Variants in PPP2R3A observed in about 807,000 individuals in gnomAD.
PPP2R3A encodes protein phosphatase 2 regulatory subunit B''alpha.
PPP2R3A carries 80 observed loss-of-function variants against 106.9 expected under a neutral mutation model. The observed-to-expected ratio is 0.75, with a 90% CI of 0.62 to 0.90. PPP2R3A has a LOEUF of 0.90. Among genes scored for constraint, PPP2R3A ranks in the 40% least tolerant of loss-of-function variants. PPP2R3A has a pLI of 0.00. For missense variants in PPP2R3A, 1,386 were observed against 1,350.4 expected (o/e 1.03, Z -0.41); for synonymous variants, 483 against 468.3 (o/e 1.03, Z -0.41).
chr3:136,042,470 T>C (rs540853439), intron 4 of PPP2R3A, among the ~76,000 whole-genome samples: 83 of 152,312 alleles, frequency 5.4e-4, no homozygotes, highest in Non-Finnish European at 4.6e-4. Context: ...GACGTGCACA[T>C]CCTGCGCATG....
At chr3:136,132,489 T>C (rs1938464512) in intron 13 of PPP2R3A, among the ~76,000 whole-genome samples, 1 of 151,790 alleles carries the variant, frequency 6.6e-6, no homozygotes, top group Non-Finnish European at 1.5e-5. Context: ...GCCCCTCCAG[T>C]GATGAAATTG....
At chr3:136,087,967 C>A (rs1936998340) in intron 9 of PPP2R3A, 36 bp downstream of exon 9, 9 of 1,535,180 alleles carry the variant, frequency 5.9e-6, no homozygotes, top group Middle Eastern at 3.4e-4. Context: ...TAAAAATGAA[C>A]TACAAGTAAT....
chr3:136,060,981 G>A (rs1221759464), intron 5 of PPP2R3A, among the ~76,000 whole-genome samples: 2 of 151,984 alleles, frequency 1.3e-5, no homozygotes, highest in South Asian at 4.1e-4. Context: ...ACAACACACT[G>A]TAAATGATAA....
intron 8 of PPP2R3A, among the ~76,000 whole-genome samples, chr3:136,086,845 A>C (rs1049345561): frequency 1.3e-5 from 2 of 152,150 alleles, no homozygotes; most frequent in Admixed American, 1.3e-4. Context: ...ATAGCTGCTA[A>C]GTCCCTAATG....
At position 136,002,312 on chromosome 3, in the gene PPP2R3A, T is replaced by A. The variant is rs1933659332; in HGVS notation, c.814T>A (p.Ser272Thr). ...ISEGSGNDTI[S>T]SSETVYMNVM... Reference sequence around the variant, plus strand: ...TGAAGGAAGTGGTAATGATACAATTTCTAGCTCTGAAACTGTCTATATGAA... The same window carrying A: ...TGAAGGAAGTGGTAATGATACAATTACTAGCTCTGAAACTGTCTATATGAA... Residue 272 changes from serine (S) to threonine (T), a missense_variant, in exon 2 of 14, where the codon TCT becomes ACT. Ser to Thr is a moderately conservative substitution (Grantham distance 58, BLOSUM62 1). Coordinates refer to ENST00000264977, the MANE Select transcript of PPP2R3A (RefSeq NM_002718.5). 3 of 1,613,800 alleles carry A rather than the reference T, an allele frequency of 1.9e-6. No individual in the cohort carries two copies. Among genetic ancestry groups the A allele is most frequent in the Non-Finnish European group, 2.5e-6 (3 of 1,179,768 alleles).
intron 1 of PPP2R3A, among the ~76,000 whole-genome samples, chr3:135,976,756 T>C (rs1937432051): frequency 6.6e-6 from 1 of 152,222 alleles, no homozygotes; most frequent in Non-Finnish European, 1.5e-5. Context: ...TTAACTTTAA[T>C]ACTTCTTTTC....
At chr3:135,969,611 G>T (rs9868239) in intron 1 of PPP2R3A, among the ~76,000 whole-genome samples, 6 of 152,026 alleles carry the variant, frequency 3.9e-5, no homozygotes, top group Non-Finnish European at 7.4e-5. Context: ...CTGGAGGCAC[G>T]AATTTTTAGG....
At chr3:136,033,611 G>C (rs1934982339) in intron 3 of PPP2R3A, among the ~76,000 whole-genome samples, 1 of 152,158 alleles carries the variant, frequency 6.6e-6, no homozygotes. Flanking sequence ...ATTTAAGCTA[G>C]AAGGGTTGTA....
At chr3:136,054,253 CTTTTTTT>C (rs35801926) in intron 5 of PPP2R3A, among the ~76,000 whole-genome samples, 1 of 80,728 alleles carries the variant, frequency 1.2e-5, no homozygotes, top group Non-Finnish European at 2.2e-5. Context: ...CTTCACAATT[CTTTTTTT>C]TTTTTTTTTT....
chr3:136,119,523 G>T (rs1576325311), intron 13 of PPP2R3A, among the ~76,000 whole-genome samples: 1 of 150,816 alleles, frequency 6.6e-6, no homozygotes, highest in Non-Finnish European at 1.5e-5. Flanking sequence ...TAAGAAAAAA[G>T]CAACCTCATC....
At chr3:136,036,503 G>A (rs868102893) in intron 3 of PPP2R3A, among the ~76,000 whole-genome samples, 7 of 152,124 alleles carry the variant, frequency 4.6e-5, no homozygotes, top group South Asian at 2.1e-4. Context: ...GGATCTAGCC[G>A]CCCAGCAAGT....
intron 1 of PPP2R3A, among the ~76,000 whole-genome samples, chr3:135,982,084 A>G (rs1937546447): frequency 6.6e-6 from 1 of 151,832 alleles, no homozygotes; most frequent in South Asian, 2.1e-4. Context: ...TGATTCTAAC[A>G]GTGGAAATTA....
intron 13 of PPP2R3A, among the ~76,000 whole-genome samples, chr3:136,120,588 C>CA (rs573093793): frequency 2.9e-4 from 42 of 145,646 alleles, no homozygotes; most frequent in East Asian, 1.4e-3. Context: ...ACTCTTGTCT[C>CA]AAAAAAAAAA....
At chr3:136,022,609 A>G (rs1035671392) in intron 2 of PPP2R3A, 2 of 235,362 alleles carry the variant, frequency 8.5e-6, no homozygotes, top group Non-Finnish European at 1.4e-5. Context: ...TTGAGAAGAA[A>G]CTGCTTTATG....
At chr3:136,090,758 C>A in intron 10 of PPP2R3A, 91 bp downstream of exon 10, 1 of 942,594 alleles carries the variant, frequency 1.1e-6, no homozygotes, top group South Asian at 1.5e-5. Context: ...GTGAGGCCAA[C>A]TCAACGTGGC....
intron 13 of PPP2R3A, among the ~76,000 whole-genome samples, chr3:136,115,257 A>G (rs1937699805): frequency 6.6e-6 from 1 of 152,170 alleles, no homozygotes; most frequent in Non-Finnish European, 1.5e-5. Context: ...CCAACACCAA[A>G]GACCAAAGGT....
chr3:136,027,553 C>G (rs894227694), intron 3 of PPP2R3A, among the ~76,000 whole-genome samples: 1 of 152,168 alleles, frequency 6.6e-6, no homozygotes, highest in African/African-American at 2.4e-5. Flanking sequence ...GTCTTTGGAA[C>G]TTTCAAATAT....
At chr3:136,141,468 T>TATA (rs777959248) in intron 13 of PPP2R3A, among the ~76,000 whole-genome samples, 6 of 152,184 alleles carry the variant, frequency 3.9e-5, no homozygotes, top group Non-Finnish European at 7.3e-5. Context: ...AAGGGAGTGA[T>TATA]ATAATCCCTA....
chr3:136,088,035 C>A, intron 9 of PPP2R3A, 104 bp downstream of exon 9: 3 of 853,976 alleles, frequency 3.5e-6, no homozygotes, highest in African/African-American at 1.7e-5. Context: ...GCTATTGGAC[C>A]AAATAATATC....
Sources: allele counts gnomAD v4.1 joint callset (sites outside exome capture counted in the v4.1 genomes callset), GRCh38; gene constraint gnomAD v4.1.1; transcripts MANE v1.5; gene names NCBI Gene and HGNC (gene_info 2026-07-23, HGNC 2026-07-21).